Variants in SLCO5A1 observed in about 807,000 individuals in gnomAD.
The protein encoded by SLCO5A1 is organic anion transporter polypeptide-related protein 4.
In SLCO5A1, 39 loss-of-function variants were observed where a neutral mutation model predicts 65.1. That is an observed-to-expected ratio of 0.60 (90% CI 0.46 to 0.78). The LOEUF (loss-of-function observed/expected upper bound fraction) is 0.78. SLCO5A1 is among the 30% of genes least tolerant of loss of function. The pLI, the probability that SLCO5A1 is intolerant of heterozygous loss-of-function variation, is 0.00. For synonymous variants in SLCO5A1, 438 were observed against 415.7 expected, an observed-to-expected ratio of 1.05 and a Z score of -0.65; for missense variants, 1,029 against 1,069.4, an observed-to-expected ratio of 0.96 and a Z score of 0.53.
chr8:69,800,420 A>C (rs1401088753), intron 2 of SLCO5A1, among the ~76,000 whole-genome samples: 1 of 151,612 alleles, frequency 6.6e-6, no homozygotes, highest in Non-Finnish European at 1.5e-5. Flanking sequence ...TATAGCTTAT[A>C]CCAGTTTGAA....
chr8:69,832,065 G>A lies in SLCO5A1; in HGVS notation c.609C>T (p.Leu203=). 1 of 1,613,342 alleles carries A rather than the reference G, an allele frequency of 6.2e-7. No individual in the cohort carries two copies. Among genetic ancestry groups the A allele is most frequent in the South Asian group, 1.1e-5 (1 of 91,034 alleles). The change falls in exon 2 of 10, where the codon CTC becomes CTT. Residue 203 remains leucine, a synonymous_variant. Transcript: ENST00000260126. This position sits in a 1 kb window ranked among gnomAD's most constrained non-coding sequence, Gnocchi z 4.5. ...AGAGGGCTGCCCCGAAGGCGATGAG[G>A]AGTCCACCCACGGCCAGCCACAGGG... is the stretch of plus-strand genomic sequence containing the variant. The part of the protein sequence containing the change: ...RRPLWLAVGG[L]LIAFGAALFA...
At position 69,736,738 on chromosome 8, in the gene SLCO5A1, A is replaced by G. The variant is rs577682893; in HGVS notation, c.1423+1302T>C. Among the ~76,000 whole-genome samples the G allele has an allele frequency of 3.2e-4, 49 of 152,328 alleles. No homozygotes were observed. The South Asian group carries it at 4.6e-3, about 14-fold the overall frequency. ...ACTTTGTTTAACTCAGCAAGTTCCA[A>G]ATTTATTTTATTATGAACTGTCTTC... On this transcript the variant is annotated intron_variant, in intron 5 of 9. Transcript: ENST00000260126.
chr8:69,821,852 CA>C (rs1820659787), intron 2 of SLCO5A1, among the ~76,000 whole-genome samples: 1 of 150,160 alleles, frequency 6.7e-6, no homozygotes, highest in Non-Finnish European at 1.5e-5. Context: ...TATGGCCAGG[CA>C]CAGTATCTCA....
intron 2 of SLCO5A1, among the ~76,000 whole-genome samples, chr8:69,776,743 A>G (rs980077593): frequency 6.6e-6 from 1 of 152,212 alleles, no homozygotes; most frequent in African/African-American, 2.4e-5. Context: ...ACAATTGTAG[A>G]AAATATTTCT....
chr8:69,796,726 TTC>T lies in SLCO5A1; in HGVS notation c.908-34853_908-34852del, dbSNP rs1420008865. On this transcript the variant is annotated intron_variant, in intron 2 of 9. Coordinates refer to ENST00000260126, the MANE Select transcript of SLCO5A1 (RefSeq NM_030958.3). ...ATATTTTTTTCAACTTTCAGGTCAT[TTC>T]TTTGCTCATACATATGAGCATAAAA... Among the ~76,000 whole-genome samples the T allele has an allele frequency of 3.9e-5, 6 of 152,038 alleles. No homozygotes were observed. In the East Asian group the frequency reaches 1.2e-3, roughly 29 times the overall value.
Position 69,736,864 on chromosome 8 carries a change from T to C in SLCO5A1, c.1423+1176A>G, listed in dbSNP as rs1222097919. ...TTTGAATCTAACTTCAAGACAACTT[T>C]TGTTTTCCCTGTCCAAAAATCATTG... On this transcript the variant is annotated intron_variant, in intron 5 of 9. Transcript: ENST00000260126. Among the ~76,000 whole-genome samples the C allele has an allele frequency of 2.0e-5, 3 of 152,218 alleles. 1 individual carries two copies. The East Asian group carries it at 5.8e-4, about 29-fold the overall frequency.
At chr8:69,746,204 C>T (rs1302803412) in intron 4 of SLCO5A1, among the ~76,000 whole-genome samples, 2 of 151,590 alleles carry the variant, frequency 1.3e-5, no homozygotes, top group Non-Finnish European at 2.9e-5. Context: ...AGTGATTGTC[C>T]AATAAAGATA....
At chr8:69,772,779 C>T (rs1231039921) in intron 2 of SLCO5A1, 1 of 251,000 alleles carries the variant, frequency 4.0e-6, no homozygotes, top group Non-Finnish European at 6.3e-6. Flanking sequence ...CACCTCCTTC[C>T]TGGCCTTATG....
At chr8:69,780,190 T>C (rs573339759) in intron 2 of SLCO5A1, among the ~76,000 whole-genome samples, 5 of 152,334 alleles carry the variant, frequency 3.3e-5, no homozygotes, top group South Asian at 2.1e-4. Context: ...GGAACTCTTA[T>C]ACACTGTTGA....
intron 2 of SLCO5A1, among the ~76,000 whole-genome samples, chr8:69,822,999 T>C (rs1472346920): frequency 6.6e-6 from 1 of 152,248 alleles, no homozygotes; most frequent in Admixed American, 6.5e-5. Context: ...CCAATCATTA[T>C]TGATCCTGAA....
intron 4 of SLCO5A1, among the ~76,000 whole-genome samples, chr8:69,745,630 C>G (rs4377973): frequency 0.12 from 18,795 of 152,124 alleles, 2,090 homozygotes; most frequent in African/African-American, 0.3. Context: ...GATATATCCA[C>G]ACATACTAAC....
At chr8:69,756,048 A>G (rs534474990) in intron 3 of SLCO5A1, among the ~76,000 whole-genome samples, 14 of 152,284 alleles carry the variant, frequency 9.2e-5, no homozygotes, top group Admixed American at 9.2e-4. Flanking sequence ...TTTTTTTGTC[A>G]TAAGAAAAGC....
intron 4 of SLCO5A1, among the ~76,000 whole-genome samples, chr8:69,746,490 G>A (rs539510748): frequency 6.6e-6 from 1 of 152,270 alleles, no homozygotes; most frequent in Non-Finnish European, 1.5e-5. Flanking sequence ...AGCAACCAGA[G>A]TAGAAGGTCA....
intron 5 of SLCO5A1, among the ~76,000 whole-genome samples, chr8:69,710,018 G>GATTTTTTTT (rs1815155870): frequency 1.7e-5 from 1 of 59,130 alleles, no homozygotes; most frequent in African/African-American, 9.8e-5. Flanking sequence ...ATCGGCAACA[G>GATTTTTTTT]CTTTTTTTTT....
At chr8:69,687,510 A>G (rs16936303) in intron 6 of SLCO5A1, among the ~76,000 whole-genome samples, 2,427 of 152,326 alleles carry the variant, frequency 0.016, 58 homozygotes, top group African/African-American at 0.055. Flanking sequence ...CTATCTCTTT[A>G]AGTCCAAAAT....
intron 2 of SLCO5A1, among the ~76,000 whole-genome samples, chr8:69,804,514 C>G (rs909259932): frequency 1.3e-5 from 2 of 152,058 alleles, no homozygotes; most frequent in Non-Finnish European, 2.9e-5. Context: ...CGGGGTTTCA[C>G]CATGTTGCCC....
chr8:69,700,185 A>G (rs754500131), intron 6 of SLCO5A1: 8 of 152,246 alleles, frequency 5.3e-5, no homozygotes, highest in South Asian at 2.1e-4. Context: ...GTAGAACAGA[A>G]AAGGACATAT....
chr8:69,766,850 C>A (rs570576922), intron 2 of SLCO5A1, among the ~76,000 whole-genome samples: 3 of 152,166 alleles, frequency 2.0e-5, no homozygotes, highest in African/African-American at 7.2e-5. Flanking sequence ...CAGTGCCCTG[C>A]GCATGGAGGA....
chr8:69,820,182 T>A (rs1436397058), intron 2 of SLCO5A1, among the ~76,000 whole-genome samples: 13 of 152,196 alleles, frequency 8.5e-5, no homozygotes, highest in Admixed American at 8.5e-4. Flanking sequence ...CAATAGGACA[T>A]CCTCTAGAGG....
Sources: gnomAD v4.1 joint callset for allele counts (sites outside exome capture counted in the v4.1 genomes callset) on GRCh38, gnomAD v4.1.1 for gene constraint, Gnocchi (gnomAD v3.1) non-coding constraint, MANE v1.5 for transcripts, NCBI Gene and HGNC (gene_info 2026-07-23, HGNC 2026-07-21) for gene names.